ZPBP: variants seen among roughly 807,000 people sequenced by gnomAD.
ZPBP encodes zona pellucida-binding protein 1.
ZPBP carries 26 observed loss-of-function variants against 44.8 expected under a neutral mutation model. The ratio of observed to expected loss-of-function variants is 0.58; its 90% CI spans 0.43 to 0.81. The LOEUF (loss-of-function observed/expected upper bound fraction) is 0.81. ZPBP is among the 30% of genes least tolerant of loss of function. ZPBP has a pLI of 0.00. For missense variants in ZPBP, 409 were observed against 434.0 expected (o/e 0.94, Z 0.51); for synonymous variants, 174 against 153.2 (o/e 1.14, Z -1.00).
At chr7:50,081,691 T>G in intron 3 of ZPBP, 83 bp downstream of exon 3, 3 of 1,492,772 alleles carry the variant, frequency 2.0e-6, no homozygotes, top group Non-Finnish European at 2.8e-6. Flanking sequence ...AACATAAATA[T>G]GTATGAGATA....
At chr7:49,957,495 T>G (rs1795660072) in intron 7 of ZPBP, among the ~76,000 whole-genome samples, 1 of 152,162 alleles carries the variant, frequency 6.6e-6, no homozygotes, top group Non-Finnish European at 1.5e-5. Flanking sequence ...ACAGGGCTCC[T>G]CAGTCACCCA....
chr7:49,996,857 G>A (rs1797870938), intron 6 of ZPBP, among the ~76,000 whole-genome samples: 1 of 152,180 alleles, frequency 6.6e-6, no homozygotes. Flanking sequence ...TGGCTGCCTT[G>A]ACTCTGCTGT....
At chr7:50,028,267 G>A (rs1799426006) in intron 5 of ZPBP, among the ~76,000 whole-genome samples, 1 of 130,924 alleles carries the variant, frequency 7.6e-6, no homozygotes, top group Non-Finnish European at 1.6e-5. Flanking sequence ...TGCATTAATA[G>A]AAGGCAGGGT....
intron 7 of ZPBP, among the ~76,000 whole-genome samples, chr7:49,956,390 A>C (rs1194422554): frequency 6.6e-6 from 1 of 152,096 alleles, no homozygotes; most frequent in Non-Finnish European, 1.5e-5. Context: ...CTCATTGAAA[A>C]TTTCAAGAAA....
At chr7:49,900,086 G>T (rs1023615278) in intron 2 of ZPBP, among the ~76,000 whole-genome samples, 4 of 151,406 alleles carry the variant, frequency 2.6e-5, no homozygotes, top group Admixed American at 1.3e-4. Context: ...GAGCCTAGAA[G>T]TCTCAAGAGA....
intron 6 of ZPBP, among the ~76,000 whole-genome samples, chr7:50,007,412 A>C (rs1798358352): frequency 6.6e-6 from 1 of 152,022 alleles, no homozygotes; most frequent in African/African-American, 2.4e-5. Flanking sequence ...TTTCCAACAA[A>C]GAAAAGCCCA....
In ZPBP at chr7:50,068,120, C is replaced by T. The variant is rs190198223; in HGVS notation, c.335-9979G>A. Among the ~76,000 whole-genome samples, 291 of 152,230 alleles carry T rather than the reference C, an allele frequency of 1.9e-3. 1 individual carries two copies. Among genetic ancestry groups the T allele is most frequent in the Middle Eastern group, 0.014 (4 of 294 alleles). Reference sequence around the variant, plus strand: ...TGGTTGGCCTCTTAGAGGAGAGACTCCTTTTTTTCTCCTCTTTGTGGCTTT... The same window carrying T: ...TGGTTGGCCTCTTAGAGGAGAGACTTCTTTTTTTCTCCTCTTTGTGGCTTT... On this transcript the variant is annotated intron_variant, in intron 3 of 7. Transcript: ENST00000046087.
At chr7:50,051,354 C>A (rs1329799016) in intron 4 of ZPBP, among the ~76,000 whole-genome samples, 2 of 152,114 alleles carry the variant, frequency 1.3e-5, no homozygotes, top group Admixed American at 6.6e-5. Flanking sequence ...ATTAGTTCAA[C>A]CATTGTGGAA....
intron 6 of ZPBP, among the ~76,000 whole-genome samples, chr7:50,008,492 AT>A (rs889769001): frequency 4.0e-5 from 6 of 151,686 alleles, no homozygotes; most frequent in Admixed American, 2.0e-4. Context: ...TGCCAATGCC[AT>A]TTTTTTTGCA....
At chr7:49,980,233 A>G (rs1169248327) in intron 7 of ZPBP, among the ~76,000 whole-genome samples, 2 of 122,332 alleles carry the variant, frequency 1.6e-5, no homozygotes, top group South Asian at 2.5e-4. Flanking sequence ...ATATAATATA[A>G]ATATATAATA....
At chr7:49,996,565 CAG>C (rs201023753) in intron 6 of ZPBP, among the ~76,000 whole-genome samples, 455 of 152,296 alleles carry the variant, frequency 3.0e-3, no homozygotes, top group African/African-American at 0.01. Flanking sequence ...GAAAGATTAA[CAG>C]TGTAAATTTT....
chr7:50,028,465 TG>T, intron 5 of ZPBP, among the ~76,000 whole-genome samples: 1 of 152,172 alleles, frequency 6.6e-6, no homozygotes, highest in Middle Eastern at 3.4e-3. Context: ...AACATTGTGC[TG>T]GAAGCCCAAG....
chr7:50,040,985 C>T (rs1449582930), intron 4 of ZPBP, among the ~76,000 whole-genome samples: 2 of 152,110 alleles, frequency 1.3e-5, no homozygotes, highest in African/African-American at 4.8e-5. Flanking sequence ...GGGGCATCTG[C>T]CATTACTGAG....
At chr7:49,956,124 A>C (rs2128761432) in intron 7 of ZPBP, among the ~76,000 whole-genome samples, 1 of 152,290 alleles carries the variant, frequency 6.6e-6, no homozygotes, top group Admixed American at 6.5e-5. Context: ...GTGAATTTAG[A>C]AGGACAGTTG....
chr7:49,854,416 G>T (rs563057961), intron 2 of ZPBP, among the ~76,000 whole-genome samples: 2 of 152,222 alleles, frequency 1.3e-5, no homozygotes, highest in African/African-American at 4.8e-5. Flanking sequence ...TAACTGGTGT[G>T]AGATGGTATC....
downstream of ZPBP, among the ~76,000 whole-genome samples, chr7:49,934,986 A>G (rs1228109783): frequency 6.6e-6 from 1 of 152,212 alleles, no homozygotes; most frequent in Non-Finnish European, 1.5e-5. Flanking sequence ...TTGGATGCAA[A>G]TAAATACAAA....
At chr7:50,014,256 G>C (rs1409156246) in intron 6 of ZPBP, among the ~76,000 whole-genome samples, 1 of 151,822 alleles carries the variant, frequency 6.6e-6, no homozygotes, top group African/African-American at 2.4e-5. Flanking sequence ...TGACATACAG[G>C]CTGATTCTAA....
At chr7:50,005,987 T>C (rs1798294222) in intron 6 of ZPBP, among the ~76,000 whole-genome samples, 1 of 151,592 alleles carries the variant, frequency 6.6e-6, no homozygotes, top group Non-Finnish European at 1.5e-5. Context: ...TGGAAAATAG[T>C]ATTCAAAAAA....
At chr7:49,841,620 C>T in the ZPBP span, among the ~76,000 whole-genome samples, 12 of 152,160 alleles carry the variant, frequency 7.9e-5, no homozygotes, top group Admixed American at 1.3e-4. Flanking sequence ...TCAGACCTTC[C>T]GGGAGGACAG....
Sources: allele counts gnomAD v4.1 joint callset (sites outside exome capture counted in the v4.1 genomes callset), GRCh38; gene constraint gnomAD v4.1.1; transcripts MANE v1.5; gene names NCBI Gene and HGNC (gene_info 2026-07-23, HGNC 2026-07-21).